SMG5: variants seen among roughly 807,000 people sequenced by gnomAD.
SMG5 encodes the protein nonsense-mediated mRNA decay factor SMG5.
Under a neutral mutation model 122.9 loss-of-function variants are expected in SMG5, and 53 were observed. The ratio of observed to expected loss-of-function variants is 0.43; its 90% CI spans 0.35 to 0.54. SMG5 has a LOEUF of 0.54. Ranked by LOEUF, SMG5 falls within the 20% of genes least tolerant of loss-of-function variation. The pLI, the probability that SMG5 is intolerant of heterozygous loss-of-function variation, is 0.01. For synonymous variants in SMG5, 477 were observed against 490.2 expected (o/e 0.97, Z 0.35); for missense variants, 1,153 against 1,285.6 (o/e 0.90, Z 1.58).
chr1:156,261,107 G>A (rs1661804314), intron 14 of SMG5, among the ~76,000 whole-genome samples: 1 of 152,180 alleles, frequency 6.6e-6, no homozygotes, highest in Non-Finnish European at 1.5e-5. Context: ...CATTCCCTAG[G>A]GAGCACACTC....
chr1:156,258,426 T>C (rs923086972), intron 16 of SMG5, among the ~76,000 whole-genome samples: 21 of 152,332 alleles, frequency 1.4e-4, no homozygotes, highest in Admixed American at 1.4e-3. Context: ...GCTCAATTCA[T>C]AGATTAAAAG....
chr1:156,251,214 A>G (rs1661332126), intron 20 of SMG5, 189 bp downstream of exon 20: 1 of 900,566 alleles, frequency 1.1e-6, no homozygotes. Context: ...AGGCTGACCC[A>G]TCTGCAGAGG....
chr1:156,261,360 G>A lies in SMG5; in HGVS notation c.2080C>T (p.Pro694Ser). The change falls in exon 14 of 22, where the codon CCT (proline) becomes TCT (serine). Residue 694 changes from proline to serine, a missense_variant. By Grantham distance (74) the Pro-to-Ser change is moderately conservative (BLOSUM62 -1). Coordinates refer to ENST00000361813, the MANE Select transcript of SMG5 (RefSeq NM_015327.3). ...GACTCCTGGAGTTCACCAGCAGCAG[G>A]CAACAGATTCAGCAACACAGACAGG... Reference protein sequence around the residue: ...NRLSVLLNLLPAAGELQESGL... With the variant: ...NRLSVLLNLLSAAGELQESGL... 6.2e-7 allele frequency: 1 copy of A among 1,614,194 alleles called. No individual in the cohort carries two copies. The highest frequency in any genetic ancestry group is 8.5e-7 in the Non-Finnish European group (1 of 1,180,032).
At chr1:156,253,788 C>T (rs539248790) in intron 16 of SMG5, 56 of 471,974 alleles carry the variant, frequency 1.2e-4, no homozygotes, top group African/African-American at 9.2e-4. Context: ...CAGGACATCA[C>T]CTGGCTGTGC....
In SMG5 at chr1:156,282,604, C is replaced by T. The variant is rs1183876068; in HGVS notation, c.74+3G>A. On this transcript the variant is annotated splice_donor_region_variant and intron_variant, in intron 1 of 21. Transcript: ENST00000361813. ...GCTGCTCTCACGCCCTGGCCCCTCT[C>T]ACCGGTAAAGCCGCTTAGTGTGGAG... 3.1e-6 allele frequency: 5 copies of T among 1,607,628 alleles called. No individual in the cohort carries two copies. Among genetic ancestry groups the T allele is most frequent in the Admixed American group, 1.7e-5 (1 of 59,878 alleles).
Position 156,250,428 on chromosome 1 carries a change from C to A in SMG5, c.*159G>T. The A allele has an allele frequency of 1.4e-6, 1 of 693,778 alleles. No individual in the cohort carries two copies. Among genetic ancestry groups the A allele is most frequent in the Non-Finnish European group, 2.6e-6 (1 of 391,564 alleles). The allele number at this position is 693,778 out of a possible 1,614,324, so 43.0% of individuals were successfully genotyped here. On this transcript the variant is annotated 3_prime_UTR_variant, in exon 22 of 22. Transcript: ENST00000361813. ...AAAGGGACCCCACCCTCCCAGCCGG[C>A]TCCTGGGCCCTCCCTGCAGCCTCTG...
chr1:156,276,229 C>T (rs771187372), intron 4 of SMG5, among the ~76,000 whole-genome samples: 5 of 151,054 alleles, frequency 3.3e-5, no homozygotes, highest in African/African-American at 7.3e-5. Flanking sequence ...CGGGTTCAGG[C>T]GATTCTCTTG....
In SMG5 at chr1:156,263,661, C is replaced by T. The variant is rs1011211783; in HGVS notation, c.1856-91G>A. 32 of 1,410,200 alleles carry T rather than the reference C, an allele frequency of 2.3e-5. No homozygotes were observed. The African/African-American group carries it at 2.3e-4, about 10-fold the overall frequency. The allele number at this position is 1,410,200 out of a possible 1,614,324, so 87.4% of individuals were successfully genotyped here. ...CAGCTCTGTGCAGGGAGCATGCTTC[C>T]ACCTGGCCTGGGCCCTTCCAAGGAA... On this transcript the variant is annotated intron_variant, in intron 12 of 21. Transcript: ENST00000361813.
At chr1:156,253,233 G>A (rs974849984) in intron 17 of SMG5, among the ~76,000 whole-genome samples, 155 bp from the exon 18 acceptor site, 1 of 152,140 alleles carries the variant, frequency 6.6e-6, no homozygotes, top group Admixed American at 6.5e-5. Flanking sequence ...AAAGTAAACA[G>A]AAATAAGAGT....
In SMG5 at chr1:156,264,267, C is replaced by CAAAAA. The variant is rs1205363773; in HGVS notation, c.1856-702_1856-698dup. Among the ~76,000 whole-genome samples, 118 of 53,928 alleles carry CAAAAA rather than the reference C, an allele frequency of 2.2e-3. 11 individuals carry two copies. The highest frequency in any genetic ancestry group is 4.2e-3 in the African/African-American group (51 of 12,286). 35.4% of individuals were successfully genotyped at this position (53,928 alleles called of 152,430 possible). A position where few individuals can be genotyped will look rare whatever the true frequency, so the allele number is the denominator to read the frequency against. On this transcript the variant is annotated intron_variant, in intron 12 of 21. Coordinates refer to ENST00000361813, the MANE Select transcript of SMG5 (RefSeq NM_015327.3). ...TGGGCAACAGAGCGAGACTCCGTCT[C>CAAAAA]AAAAAAAAAAAAAAAAAAAAAAAAA... is the stretch of plus-strand genomic sequence containing the variant.
At chr1:156,272,084 G>T (rs184703347) in intron 7 of SMG5, among the ~76,000 whole-genome samples, 289 of 152,244 alleles carry the variant, frequency 1.9e-3, no homozygotes, top group Non-Finnish European at 3.1e-3. Flanking sequence ...CAGCAATCTT[G>T]TATTTTGCAT....
intron 7 of SMG5, among the ~76,000 whole-genome samples, chr1:156,271,187 G>C (rs955409106): frequency 1.3e-5 from 2 of 152,098 alleles, no homozygotes; most frequent in African/African-American, 4.8e-5. Flanking sequence ...TTGGCCAGGT[G>C]AACCAAAAGT....
chr1:156,263,735 T>C (rs1661978053), intron 12 of SMG5, among the ~76,000 whole-genome samples, 165 bp from the exon 13 acceptor site: 1 of 152,248 alleles, frequency 6.6e-6, no homozygotes, highest in Admixed American at 6.5e-5. Flanking sequence ...TTATTCAATT[T>C]TTCCAGGCCC....
intron 6 of SMG5, 116 bp downstream of exon 6, chr1:156,273,245 G>A: frequency 1.3e-6 from 1 of 793,058 alleles, no homozygotes; most frequent in Non-Finnish European, 2.2e-6. Flanking sequence ...GTACGAGAGA[G>A]CTGAGAATGA....
rs771279200 is a variant in SMG5 at position 156,253,446 on chromosome 1, T to C, written c.2502+3A>G. 11 of 1,613,956 alleles carry C rather than the reference T, an allele frequency of 6.8e-6. No individual in the cohort carries two copies. Among genetic ancestry groups the C allele is most frequent in the Admixed American group, 1.7e-5 (1 of 59,982 alleles). On this transcript the variant is annotated splice_donor_region_variant and intron_variant, in intron 17 of 21. Coordinates refer to ENST00000361813, the MANE Select transcript of SMG5 (RefSeq NM_015327.3). Reference sequence around the variant, plus strand: ...AAGAAGCACTTGGGTCCTGATTTCCTACCTGAAGTCGTAGCTGAGCCATGT... The same window carrying C: ...AAGAAGCACTTGGGTCCTGATTTCCCACCTGAAGTCGTAGCTGAGCCATGT...
rs747374315 is a variant in SMG5 at position 156,274,697 on chromosome 1, AAG to A, written c.455-13_455-12del. 1.2e-6 allele frequency: 2 copies of A among 1,611,398 alleles called. No individual in the cohort carries two copies. Among genetic ancestry groups the A allele is most frequent in the South Asian group, 2.2e-5 (2 of 91,024 alleles). ...CTGGCTTCTTGCATCCTATGAGACA[AAG>A]AGAAAGAGATTTGTAGGCCCATTCT... On this transcript the variant is annotated splice_polypyrimidine_tract_variant and intron_variant, in intron 4 of 21. Transcript: ENST00000361813.
At chr1:156,262,103 T>C (rs957586620) in intron 13 of SMG5, among the ~76,000 whole-genome samples, 5 of 152,054 alleles carry the variant, frequency 3.3e-5, no homozygotes, top group Non-Finnish European at 7.4e-5. Flanking sequence ...CTCATGCCTG[T>C]AATCTCAGCA....
At chr1:156,285,229 G>T (rs756975602), upstream of SMG5, 1 of 1,528,230 alleles carries the variant, frequency 6.5e-7, no homozygotes, top group Non-Finnish European at 8.8e-7. Context: ...GCCCCAGGAT[G>T]ACAGAACAGG....
the SMG5 span, chr1:156,291,128 G>A: frequency 1.0e-5 from 5 of 477,896 alleles, no homozygotes; most frequent in African/African-American, 7.7e-5. Flanking sequence ...AAAATAAATC[G>A]AAAAGTAAAT....
Sources: gnomAD v4.1 joint callset for allele counts (sites outside exome capture counted in the v4.1 genomes callset) on GRCh38, gnomAD v4.1.1 for gene constraint, MANE v1.5 for transcripts, NCBI Gene and HGNC (gene_info 2026-07-23, HGNC 2026-07-21) for gene names.